ARID1B: variants seen among roughly 807,000 people sequenced by gnomAD.
The protein encoded by ARID1B is AT-rich interaction domain 1B.
Under a neutral mutation model 212.3 loss-of-function variants are expected in ARID1B, and 30 were observed. That is an observed-to-expected ratio of 0.14 (90% CI 0.11 to 0.19). ARID1B has a LOEUF of 0.19. Among genes scored for constraint, ARID1B ranks in the 10% least tolerant of loss-of-function variants. The pLI, the probability that ARID1B is intolerant of heterozygous loss-of-function variation, is 1.00. For synonymous variants in ARID1B, 1,402 were observed against 1,301.7 expected (o/e 1.08, Z -1.66); for missense variants, 2,891 against 3,204.0 (o/e 0.90, Z 2.36).
At position 157,110,571 on chromosome 6, in the gene ARID1B, C is replaced by T. The variant is rs768793254; in HGVS notation, c.2581+10C>T. The T allele has an allele frequency of 1.7e-5, 28 of 1,613,476 alleles. No individual in the cohort carries two copies. The South Asian group carries it at 2.6e-4, about 15-fold the overall frequency. On this transcript the variant is annotated intron_variant, in intron 6 of 19. Transcript: ENST00000636930. The stretch of plus-strand genomic sequence containing the variant: ...ATGCCACAGGAAAGAGGTTCGTCTC[C>T]AGTTCATGTCTTACATGCCTATAGT...
At chr6:156,962,775 A>T (rs1446007195) in intron 4 of ARID1B, among the ~76,000 whole-genome samples, 1 of 150,612 alleles carries the variant, frequency 6.6e-6, no homozygotes, top group African/African-American at 2.4e-5. Flanking sequence ...GAGCCATCAC[A>T]CCTGGCCGAT....
chr6:157,087,734 G>T, intron 5 of ARID1B, among the ~76,000 whole-genome samples: 1 of 151,952 alleles, frequency 6.6e-6, no homozygotes, highest in East Asian at 1.9e-4. Flanking sequence ...GAGGTAGTTC[G>T]GTAGGACTGC....
intron 2 of ARID1B, among the ~76,000 whole-genome samples, chr6:156,862,671 G>A (rs1369146334): frequency 3.3e-5 from 5 of 152,182 alleles, no homozygotes; most frequent in African/African-American, 7.2e-5. Flanking sequence ...AGTGGTGTAA[G>A]GAGTGAATGA....
intron 4 of ARID1B, among the ~76,000 whole-genome samples, chr6:156,968,991 A>G (rs879422930): frequency 5.3e-5 from 8 of 152,228 alleles, no homozygotes; most frequent in Non-Finnish European, 1.2e-4. Flanking sequence ...GAGGTGCTCC[A>G]CATGCGCACA....
At chr6:156,872,553 TC>T (rs1376747577) in intron 2 of ARID1B, among the ~76,000 whole-genome samples, 1 of 152,116 alleles carries the variant, frequency 6.6e-6, no homozygotes, top group Non-Finnish European at 1.5e-5. Flanking sequence ...ACTCCTGACC[TC>T]AGGTGATCCG....
chr6:157,160,549 G>A (rs1053530156), intron 8 of ARID1B, among the ~76,000 whole-genome samples: 15 of 152,120 alleles, frequency 9.9e-5, no homozygotes, highest in African/African-American at 3.1e-4. Flanking sequence ...CCCCACATTC[G>A]TTCTTCTTGC....
intron 5 of ARID1B, among the ~76,000 whole-genome samples, chr6:157,107,037 A>G (rs1266731853): frequency 1.3e-5 from 2 of 152,106 alleles, no homozygotes; most frequent in South Asian, 2.1e-4. Context: ...ACCAACTACA[A>G]TGGGAAAATA....
At chr6:156,793,834 G>A (rs1252595449) in intron 1 of ARID1B, among the ~76,000 whole-genome samples, 1 of 152,148 alleles carries the variant, frequency 6.6e-6, no homozygotes, top group African/African-American at 2.4e-5. Flanking sequence ...ATAATAAAAA[G>A]CAATAGTAAT....
At chr6:157,021,259 T>TACAGCGGGGAGACTCGCCCGCGCC (rs1267395478) in intron 4 of ARID1B, among the ~76,000 whole-genome samples, 32 of 152,276 alleles carry the variant, frequency 2.1e-4, no homozygotes, top group Non-Finnish European at 4.4e-4. Context: ...GGCCCCGCGG[T>TACAGCGGGGAGACTCGCCCGCGCC]ACAGCGGGGA....
At chr6:156,789,800 G>A (rs1779894149) in intron 1 of ARID1B, among the ~76,000 whole-genome samples, 1 of 152,186 alleles carries the variant, frequency 6.6e-6, no homozygotes, top group African/African-American at 2.4e-5. Context: ...GTGCTGTGTG[G>A]TTTCCTCATT....
intron 11 of ARID1B, 199 bp downstream of exon 11, chr6:157,175,204 A>T: frequency 2.5e-6 from 1 of 406,180 alleles, no homozygotes; most frequent in South Asian, 9.1e-5. Flanking sequence ...GCATCAAAGA[A>T]GTTGATTTCT....
chr6:156,800,366 A>G (rs956869787), intron 1 of ARID1B, among the ~76,000 whole-genome samples: 1 of 152,180 alleles, frequency 6.6e-6, no homozygotes, highest in African/African-American at 2.4e-5. Flanking sequence ...AGGCGGGTGG[A>G]TCATCTAAGG....
intron 4 of ARID1B, among the ~76,000 whole-genome samples, chr6:157,059,074 T>G (rs954139355): frequency 6.6e-6 from 1 of 152,024 alleles, no homozygotes; most frequent in African/African-American, 2.4e-5. Flanking sequence ...TTTGTTTTTT[T>G]TTTTTGATAA....
At chr6:156,895,658 T>G (rs1376379913) in intron 2 of ARID1B, among the ~76,000 whole-genome samples, 4 of 151,926 alleles carry the variant, frequency 2.6e-5, no homozygotes, top group Non-Finnish European at 4.4e-5. Context: ...GTGAAATAAT[T>G]TAGACATATA....
At chr6:157,149,266 G>T (rs918727103) in intron 8 of ARID1B, 16 of 319,042 alleles carry the variant, frequency 5.0e-5, no homozygotes, top group Admixed American at 2.1e-4. Flanking sequence ...TGTCTGCGTG[G>T]TACCAATTGA....
At chr6:156,795,859 C>T (rs1780333402) in intron 1 of ARID1B, among the ~76,000 whole-genome samples, 1 of 152,048 alleles carries the variant, frequency 6.6e-6, no homozygotes, top group Admixed American at 6.5e-5. Flanking sequence ...GCCAATAAAA[C>T]TACATCTCAC....
rs562459496 is a variant in ARID1B at position 156,974,476 on chromosome 6, T to C, written c.2247+38900T>C. Among the ~76,000 whole-genome samples the C allele has an allele frequency of 2.8e-4, 43 of 152,198 alleles. No homozygotes were observed. The South Asian group carries it at 3.9e-3, about 14-fold the overall frequency. The stretch of plus-strand genomic sequence containing the variant: ...TAAAGAGGAAACTGTTGTAATTTTG[T>C]TTAAGATTGGAGAAGAAGAGAAAGG... On this transcript the variant is annotated intron_variant, in intron 4 of 19. Coordinates refer to ENST00000636930, the MANE Select transcript of ARID1B (RefSeq NM_001374828.1).
At chr6:156,844,744 CTT>C (rs1279387378) in intron 2 of ARID1B, among the ~76,000 whole-genome samples, 1 of 152,160 alleles carries the variant, frequency 6.6e-6, no homozygotes, top group Non-Finnish European at 1.5e-5. Flanking sequence ...CATATTATAA[CTT>C]TTGGTTAAAT....
chr6:156,919,384 T>G (rs1287204157), intron 3 of ARID1B, among the ~76,000 whole-genome samples: 9 of 149,534 alleles, frequency 6.0e-5, no homozygotes, highest in Non-Finnish European at 7.4e-5. Context: ...ATATTTTAAG[T>G]TTTTTTTTTC....
Sources: gnomAD v4.1 joint callset for allele counts (sites outside exome capture counted in the v4.1 genomes callset) on GRCh38, gnomAD v4.1.1 for gene constraint, MANE v1.5 for transcripts, NCBI Gene and HGNC (gene_info 2026-07-23, HGNC 2026-07-21) for gene names.